SGCD: variants seen among roughly 807,000 people sequenced by gnomAD.
SGCD encodes the protein sarcoglycan delta, also known as delta-sarcoglycan.
Under a neutral mutation model 36.6 loss-of-function variants are expected in SGCD, and 18 were observed. The ratio of observed to expected loss-of-function variants is 0.49; its 90% CI spans 0.34 to 0.73. SGCD has a LOEUF of 0.73. Among genes scored for constraint, SGCD ranks in the 30% least tolerant of loss-of-function variants. SGCD has a pLI of 0.01. For synonymous variants in SGCD, 133 were observed against 130.6 expected (o/e 1.02, Z -0.12); for missense variants, 387 against 346.7 (o/e 1.12, Z -0.92).
At chr5:156,288,979 T>G (rs1436277994) in intron 3 of SGCD, among the ~76,000 whole-genome samples, 3 of 152,168 alleles carry the variant, frequency 2.0e-5, no homozygotes, top group African/African-American at 7.2e-5. Flanking sequence ...ATTATTGGCA[T>G]TAGGTAAATT....
rs1199542104 is a variant in SGCD, at chr5:156,561,546, G to A, written c.295-27685G>A. 3.9e-5 allele frequency among the ~76,000 whole-genome samples: 6 copies of A among 152,146 alleles called. No individual in the cohort carries two copies. In the South Asian group the frequency reaches 1.0e-3, roughly 26 times the overall value. On this transcript the variant is annotated intron_variant, in intron 4 of 8. Transcript: ENST00000337851. ...GGCTCTGATTATCTGTTTTTGATTA[G>A]TTTGAAACATAGATCAGAACTGTTC... is the stretch of plus-strand genomic sequence containing the variant.
chr5:156,614,779 TG>T (rs1761960415), intron 6 of SGCD, among the ~76,000 whole-genome samples: 1 of 152,190 alleles, frequency 6.6e-6, no homozygotes, highest in South Asian at 2.1e-4. Context: ...CTTTTCCTCA[TG>T]GGGGGTCTTT....
At chr5:155,803,799 G>A in the SGCD span, among the ~76,000 whole-genome samples, 22 of 152,248 alleles carry the variant, frequency 1.4e-4, no homozygotes, top group Non-Finnish European at 2.9e-4. Context: ...GCAAGTTTTC[G>A]TTCCTTCAGT....
chr5:156,312,069 T>C (rs776170039), intron 3 of SGCD, among the ~76,000 whole-genome samples: 5 of 152,222 alleles, frequency 3.3e-5, no homozygotes, highest in African/African-American at 1.2e-4. Flanking sequence ...GTTTCTGAGA[T>C]ACCCAGTATC....
rs1443576881 is a variant in SGCD, at chr5:156,767,421, C to T, written c.*8031C>T. 7 of 141,248 alleles carry T rather than the reference C, an allele frequency of 5.0e-5. No homozygotes were observed. In the East Asian group the frequency reaches 6.5e-4, roughly 13 times the overall value. 8.7% of individuals were successfully genotyped at this position (141,248 alleles called of 1,614,324 possible). A position where few individuals can be genotyped will look rare whatever the true frequency, so the allele number is the denominator to read the frequency against. ...TGGCTAGATGCGCTTCTGAAGAAGC[C>T]GGATTCTGATGTTCTTAACCAAAAT... On this transcript the variant is annotated 3_prime_UTR_variant, in exon 9 of 9. Coordinates refer to ENST00000337851, the MANE Select transcript of SGCD (RefSeq NM_000337.6).
intron 1 of SGCD, among the ~76,000 whole-genome samples, chr5:155,886,895 C>T (rs1306221824): frequency 6.6e-6 from 1 of 152,158 alleles, no homozygotes; most frequent in East Asian, 1.9e-4. Context: ...CGCTGTGGTT[C>T]AGAACCACAT....
chr5:156,048,002 G>C (rs887613545), intron 1 of SGCD, among the ~76,000 whole-genome samples: 2 of 151,968 alleles, frequency 1.3e-5, no homozygotes, highest in Non-Finnish European at 2.9e-5. Flanking sequence ...GCCCCGGTGT[G>C]TGATGTTCCC....
intron 1 of SGCD, among the ~76,000 whole-genome samples, chr5:155,903,784 G>A (rs897576367): frequency 6.6e-6 from 1 of 152,160 alleles, no homozygotes; most frequent in African/African-American, 2.4e-5. Flanking sequence ...TGGGCACAAT[G>A]TATTTGTTTT....
intron 3 of SGCD, among the ~76,000 whole-genome samples, chr5:156,195,174 C>T (rs1476657643): frequency 6.6e-6 from 1 of 152,018 alleles, no homozygotes; most frequent in African/African-American, 2.4e-5. Context: ...TGGTTTGATC[C>T]AGTAACCTCA....
chr5:155,995,126 C>T (rs1318337375), intron 1 of SGCD, among the ~76,000 whole-genome samples: 3 of 152,102 alleles, frequency 2.0e-5, no homozygotes, highest in Non-Finnish European at 4.4e-5. Context: ...TGTACTTCAT[C>T]CCTGTTACCT....
At chr5:156,477,395 C>T (rs1456634024) in intron 3 of SGCD, among the ~76,000 whole-genome samples, 2 of 152,146 alleles carry the variant, frequency 1.3e-5, no homozygotes, top group African/African-American at 4.8e-5. Flanking sequence ...ATAGGACAGG[C>T]CCCATGACTT....
At chr5:156,390,396 A>G (rs1175612619) in intron 3 of SGCD, among the ~76,000 whole-genome samples, 1 of 152,136 alleles carries the variant, frequency 6.6e-6, no homozygotes, top group Non-Finnish European at 1.5e-5. Flanking sequence ...GTGTAGCCCT[A>G]GGCTAATGTG....
intron 3 of SGCD, among the ~76,000 whole-genome samples, chr5:156,298,742 C>T (rs994059571): frequency 2.6e-5 from 4 of 151,776 alleles, no homozygotes; most frequent in African/African-American, 9.7e-5. Flanking sequence ...ATTTATTAAG[C>T]ATTCTTTGAG....
At chr5:155,829,585 G>A in the SGCD span, among the ~76,000 whole-genome samples, 7 of 152,198 alleles carry the variant, frequency 4.6e-5, no homozygotes, top group Non-Finnish European at 7.3e-5. Context: ...TTCAGGCCTC[G>A]AAGGAGGCTG....
At chr5:156,462,950 T>C (rs1754552508) in intron 3 of SGCD, among the ~76,000 whole-genome samples, 1 of 152,206 alleles carries the variant, frequency 6.6e-6, no homozygotes, top group South Asian at 2.1e-4. Context: ...ATATGAATTC[T>C]GATGAATTAT....
intron 3 of SGCD, among the ~76,000 whole-genome samples, chr5:156,185,212 C>CTTTT (rs755578762): frequency 4.4e-5 from 5 of 113,230 alleles, no homozygotes; most frequent in African/African-American, 6.9e-5. Flanking sequence ...CTTTAATTTT[C>CTTTT]TTTTTTTTTT....
rs980003883 is a variant in SGCD, at chr5:156,647,373, C to T, written c.503-91C>T. The T allele has an allele frequency of 1.1e-4, 89 of 789,694 alleles. 1 individual carries two copies. Among genetic ancestry groups the T allele is most frequent in the Middle Eastern group, 2.4e-4 (1 of 4,226 alleles). 48.9% of individuals were successfully genotyped at this position (789,694 alleles called of 1,614,324 possible). On this transcript the variant is annotated intron_variant, in intron 6 of 8. Transcript: ENST00000337851. ...TGGGTATGGGGTTGTGTAATGGATT[C>T]GCTGCATTTAGCTCCAATCAGTGTG...
chr5:155,983,386 A>G (rs1247501637), intron 1 of SGCD, among the ~76,000 whole-genome samples: 2 of 151,982 alleles, frequency 1.3e-5, no homozygotes, highest in Non-Finnish European at 2.9e-5. Flanking sequence ...TGCAACCTCC[A>G]CCTCCCAGGT....
intron 3 of SGCD, among the ~76,000 whole-genome samples, chr5:156,390,710 A>G (rs1370849873): frequency 6.6e-6 from 1 of 152,178 alleles, no homozygotes; most frequent in Non-Finnish European, 1.5e-5. Context: ...AGCCTGGGCA[A>G]CAAGAGTGAA....
Sources: gnomAD v4.1 joint callset for allele counts (sites outside exome capture counted in the v4.1 genomes callset) on GRCh38, gnomAD v4.1.1 for gene constraint, MANE v1.5 for transcripts, NCBI Gene and HGNC (gene_info 2026-07-23, HGNC 2026-07-21) for gene names.